Variants in KLHL13 observed in about 807,000 individuals in gnomAD.
KLHL13 encodes the protein kelch-like protein 13.
A neutral mutation model predicts 37.1 loss-of-function variants in KLHL13; 10 were observed. That is an observed-to-expected ratio of 0.27 (90% CI 0.17 to 0.46). KLHL13 has a LOEUF of 0.46. Ranked by LOEUF, KLHL13 falls within the 20% of genes least tolerant of loss-of-function variation. KLHL13 has a pLI of 1.00. For synonymous variants in KLHL13, 163 were observed against 181.2 expected, an observed-to-expected ratio of 0.90 and a Z score of 0.81; for missense variants, 360 against 509.3, an observed-to-expected ratio of 0.71 and a Z score of 2.82.
At chrX:117,901,944 T>C (rs148032932) in exon 6 of KLHL13, 1 of 1,057,759 alleles carries the variant, frequency 9.5e-7, no homozygotes, top group South Asian at 2.1e-5. Context: ...CATTCTACTG[T>C]GGCTGTTAAA....
chrX:118,028,690 A>G (rs775974902), intron 1 of KLHL13, among the ~76,000 whole-genome samples, 193 bp from the exon 2 acceptor site: 19 of 112,301 alleles, frequency 1.7e-4, no homozygotes, highest in Non-Finnish European at 3.6e-4. Flanking sequence ...GAAAGTAAAA[A>G]TATCTATGAA....
chrX:118,011,477 CAA>C (rs368476848), intron 1 of KLHL13, among the ~76,000 whole-genome samples: 2 of 83,143 alleles, frequency 2.4e-5, no homozygotes, highest in Admixed American at 1.4e-4. Context: ...AGACTAGAAG[CAA>C]AAAAAAAAAA....
intron 2 of KLHL13, among the ~76,000 whole-genome samples, chrX:117,924,271 C>G (rs755151056): frequency 3.6e-5 from 4 of 112,086 alleles, no homozygotes; most frequent in Admixed American, 9.4e-5. Context: ...TTGTTGTGTA[C>G]AAGAAGGCAG....
intron 1 of KLHL13, among the ~76,000 whole-genome samples, chrX:118,078,200 ATGG>A (rs771586159): frequency 6.3e-5 from 7 of 111,950 alleles, no homozygotes; most frequent in Admixed American, 2.8e-4. Context: ...ATAATCACAA[ATGG>A]TGGTCCAATT....
At chrX:117,909,402 A>G (rs1229663540) in exon 5 of KLHL13, 2 of 1,209,502 alleles carry the variant, frequency 1.7e-6, no homozygotes, top group African/African-American at 3.5e-5. Context: ...TGCAACTTGC[A>G]TCCATTTATT....
Position 118,003,068 on chromosome X carries a change from C to A in KLHL13, c.-55-57493G>T, listed in dbSNP as rs1338152101. Reference sequence around the variant, plus strand: ...GTACCAAAATGAGAAGCAGCAGAAACTGAGGCTAGAAAGGAAATCTGAGAA... The same window carrying A: ...GTACCAAAATGAGAAGCAGCAGAAAATGAGGCTAGAAAGGAAATCTGAGAA... On this transcript the variant is annotated intron_variant, in intron 1 of 6. Coordinates refer to the KLHL13 transcript ENST00000371882. Among the ~76,000 whole-genome samples the A allele has an allele frequency of 2.7e-4, 30 of 112,459 alleles. 1 individual carries two copies. Among genetic ancestry groups the A allele is most frequent in the Admixed American group, 7.5e-4 (8 of 10,651 alleles).
At chrX:118,104,439 G>A (rs1406234049) in intron 1 of KLHL13, among the ~76,000 whole-genome samples, 1 of 112,039 alleles carries the variant, frequency 8.9e-6, no homozygotes, top group Non-Finnish European at 1.9e-5. Context: ...CAAGGAGGTA[G>A]CCACTCATAC....
intron 1 of KLHL13, among the ~76,000 whole-genome samples, chrX:118,061,120 C>T (rs1177172201): frequency 9.0e-6 from 1 of 111,684 alleles, no homozygotes; most frequent in Admixed American, 9.6e-5. Flanking sequence ...GACTCCTCTT[C>T]CAAGAGAAAA....
intron 1 of KLHL13, among the ~76,000 whole-genome samples, chrX:118,038,873 G>A (rs761444282): frequency 6.4e-4 from 71 of 111,382 alleles, no homozygotes; most frequent in African/African-American, 2.3e-3. Context: ...AGGCAGCACC[G>A]TTCACAGCTA....
At chrX:117,909,855 C>T in exon 5 of KLHL13, 1 of 1,209,832 alleles carries the variant, frequency 8.3e-7, no homozygotes, top group Non-Finnish European at 1.1e-6. Context: ...AAAGTCCATC[C>T]GAGGCTCTTC....
At chrX:117,995,242 G>A (rs1050817235) in intron 1 of KLHL13, among the ~76,000 whole-genome samples, 9 of 110,921 alleles carry the variant, frequency 8.1e-5, no homozygotes, top group Non-Finnish European at 1.5e-4. Context: ...CTGCAAATAG[G>A]AAACTAATAA....
chrX:117,976,404 G>T (rs1305859182), upstream of KLHL13, among the ~76,000 whole-genome samples: 1 of 111,646 alleles, frequency 9.0e-6, no homozygotes. Flanking sequence ...CTTCAGCCAG[G>T]TAAAATCATC....
At chrX:117,899,546 T>C in intron 6 of KLHL13, 151 bp from the exon 8 acceptor site, 1 of 404,616 alleles carries the variant, frequency 2.5e-6, no homozygotes, top group Non-Finnish European at 4.1e-6. Flanking sequence ...TATAAATACA[T>C]TCTCTGGATT....
intron 2 of KLHL13, among the ~76,000 whole-genome samples, chrX:117,922,694 G>C (rs1309001431): frequency 8.9e-6 from 1 of 111,738 alleles, no homozygotes; most frequent in Non-Finnish European, 1.9e-5. Flanking sequence ...ACCAGGAGTT[G>C]GGGAGAAAAC....
At position 118,082,451 on chromosome X, in the gene KLHL13, ATAT is replaced by A. The variant is rs757732851; in HGVS notation, c.-56+34054_-56+34056del. 1.5e-4 allele frequency among the ~76,000 whole-genome samples: 17 copies of A among 111,020 alleles called. No homozygotes were observed. The South Asian group carries it at 2.7e-3, about 17-fold the overall frequency. On this transcript the variant is annotated intron_variant, in intron 1 of 6. Transcript: ENST00000371882. ...CCGCTCTTTTGCCAATTTTTTAATCATATTATTTTCTTTTTTGCTATTGAGTTG... is the reference window on the plus strand; with the variant it reads ...CCGCTCTTTTGCCAATTTTTTAATCATATTTTCTTTTTTGCTATTGAGTTG...
At chrX:118,027,974 G>T (rs2054293035) in intron 1 of KLHL13, among the ~76,000 whole-genome samples, 1 of 111,838 alleles carries the variant, frequency 8.9e-6, no homozygotes, top group Non-Finnish European at 1.9e-5. Flanking sequence ...TTTGTCAGAA[G>T]AAGCTTTAAA....
chrX:117,973,488 G>A (rs999593826), exon 1 of KLHL13: 9 of 915,982 alleles, frequency 9.8e-6, no homozygotes, highest in Non-Finnish European at 1.2e-5. Context: ...TGCCATTATG[G>A]GAAAAGCCCG....
At chrX:118,009,916 T>C (rs1346627371) in intron 1 of KLHL13, among the ~76,000 whole-genome samples, 2 of 107,166 alleles carry the variant, frequency 1.9e-5, no homozygotes, top group Admixed American at 2.0e-4. Context: ...TTGTATCCTC[T>C]TTTATTTCCT....
intron 1 of KLHL13, among the ~76,000 whole-genome samples, chrX:118,100,353 T>C (rs1255077753): frequency 1.8e-5 from 2 of 111,521 alleles, no homozygotes; most frequent in Non-Finnish European, 3.8e-5. Context: ...CGTGAAAATT[T>C]ATACAATTAT....
Sources: allele counts gnomAD v4.1 joint callset (sites outside exome capture counted in the v4.1 genomes callset), GRCh38; gene constraint gnomAD v4.1.1; transcripts MANE v1.5; gene names NCBI Gene and HGNC (gene_info 2026-07-23, HGNC 2026-07-21).